The following USP25 variants were observed in gnomAD, a reference collection of about 807,000 sequenced individuals.
The protein encoded by USP25 is ubiquitin carboxyl-terminal hydrolase 25.
Under a neutral mutation model 158.5 loss-of-function variants are expected in USP25, and 85 were observed. The ratio of observed to expected loss-of-function variants is 0.54; its 90% confidence interval spans 0.45 to 0.64. The LOEUF (loss-of-function observed/expected upper bound fraction) is 0.64. Ranked by LOEUF, USP25 falls within the 30% of genes least tolerant of loss-of-function variation. USP25 has a pLI of 0.00. For missense variants in USP25, 1,242 were observed against 1,327.3 expected (o/e 0.94, Z 1.00); for synonymous variants, 464 against 460.4 (o/e 1.01, Z -0.10).
chr21:15,806,281 T>A (rs958002127), intron 7 of USP25, among the ~76,000 whole-genome samples: 1 of 152,122 alleles, frequency 6.6e-6, no homozygotes, highest in African/African-American at 2.4e-5. Flanking sequence ...TGGTTCTAAA[T>A]GTGTTTTACT....
At chr21:15,854,543 C>CT (rs2039045412) in intron 20 of USP25, among the ~76,000 whole-genome samples, 1 of 152,080 alleles carries the variant, frequency 6.6e-6, no homozygotes, top group Admixed American at 6.6e-5. Context: ...TGAAAGAAAG[C>CT]TTTTTAACTC....
rs569193772 is a variant in USP25 at position 15,872,028 on chromosome 21, T to G, written c.2885+1881T>G. Among the ~76,000 whole-genome samples the G allele has an allele frequency of 7.1e-3, 1,051 of 147,632 alleles. 9 individuals are homozygous for G. The highest frequency in any genetic ancestry group is 0.012 in the Non-Finnish European group (807 of 66,866). On this transcript the variant is annotated intron_variant, in intron 23 of 25. Coordinates refer to ENST00000400183, the MANE Select transcript of USP25 (RefSeq NM_001283041.3). Reference sequence around the variant, plus strand: ...AAAGAAATACTGTTTTTTTTTTTTTTTTTTTTTTTTTTACTTTAAATCTTT... The same window carrying G: ...AAAGAAATACTGTTTTTTTTTTTTTGTTTTTTTTTTTTACTTTAAATCTTT...
chr21:15,861,218 A>G (rs2039414988), intron 20 of USP25, among the ~76,000 whole-genome samples: 1 of 152,124 alleles, frequency 6.6e-6, no homozygotes, highest in African/African-American at 2.4e-5. Flanking sequence ...CTTAAGAAAC[A>G]AAGGCATGTG....
At chr21:15,805,081 C>T (rs1050244407) in intron 6 of USP25, 40 bp from the exon 7 acceptor site, 34 of 1,532,654 alleles carry the variant, frequency 2.2e-5, no homozygotes, top group African/African-American at 4.2e-5. Context: ...TCTTAATCTT[C>T]AGTTAAGGTG....
intron 4 of USP25, among the ~76,000 whole-genome samples, chr21:15,778,704 T>G (rs2034794643): frequency 6.6e-6 from 1 of 152,132 alleles, no homozygotes; most frequent in South Asian, 2.1e-4. Flanking sequence ...AAAAAATACA[T>G]TTGGTTTTCA....
At chr21:15,767,852 G>T (rs1052041778) in intron 3 of USP25, among the ~76,000 whole-genome samples, 6 of 152,038 alleles carry the variant, frequency 3.9e-5, no homozygotes, top group Admixed American at 3.9e-4. Context: ...AGGATTATGT[G>T]TGTCCTGCAC....
intron 7 of USP25, chr21:15,805,469 A>G (rs1323292583): frequency 2.7e-6 from 1 of 376,842 alleles, no homozygotes; most frequent in East Asian, 4.3e-5. Context: ...TATGATTGAA[A>G]TGAAAACGAT....
At chr21:15,853,098 C>T (rs1467651926) in intron 20 of USP25, among the ~76,000 whole-genome samples, 1 of 152,138 alleles carries the variant, frequency 6.6e-6, no homozygotes. Context: ...CCATTCTTAG[C>T]ACTGTGTATC....
At chr21:15,835,822 A>G (rs1185771345) in intron 17 of USP25, among the ~76,000 whole-genome samples, 1 of 152,232 alleles carries the variant, frequency 6.6e-6, no homozygotes, top group Non-Finnish European at 1.5e-5. Context: ...TGCCAAGTCC[A>G]TAAATTTACA....
At chr21:15,739,961 T>C (rs2031881842) in intron 1 of USP25, among the ~76,000 whole-genome samples, 1 of 152,248 alleles carries the variant, frequency 6.6e-6, no homozygotes, top group African/African-American at 2.4e-5. Context: ...TTCTCTTTTT[T>C]GCCCCTTGAT....
chr21:15,868,542 A>G (rs1009822446), intron 22 of USP25, among the ~76,000 whole-genome samples: 1 of 152,182 alleles, frequency 6.6e-6, no homozygotes, highest in Non-Finnish European at 1.5e-5. Context: ...GTTAAATCAT[A>G]CAAGTATTTA....
intron 1 of USP25, among the ~76,000 whole-genome samples, chr21:15,738,259 TG>T (rs1212283697): frequency 6.6e-6 from 1 of 152,236 alleles, no homozygotes; most frequent in Non-Finnish European, 1.5e-5. Flanking sequence ...TCTTTGCCTT[TG>T]TTCCTTTTTT....
At chr21:15,824,605 A>G (rs910433892) in intron 11 of USP25, among the ~76,000 whole-genome samples, 23 of 149,374 alleles carry the variant, frequency 1.5e-4, no homozygotes, top group African/African-American at 3.7e-4. Context: ...CTTTCTGTCT[A>G]TCTTTCTGTC....
At chr21:15,873,618 C>T (rs1355837438) in intron 23 of USP25, among the ~76,000 whole-genome samples, 3 of 151,678 alleles carry the variant, frequency 2.0e-5, no homozygotes, top group South Asian at 2.1e-4. Flanking sequence ...CTCAGCCTGC[C>T]GAGTAGCTGG....
chr21:15,863,804 A>G (rs2039534382), intron 20 of USP25, among the ~76,000 whole-genome samples: 1 of 151,816 alleles, frequency 6.6e-6, no homozygotes, highest in Admixed American at 6.6e-5. Flanking sequence ...TGGGAGGCCA[A>G]GGCGGGCGGA....
rs771996450 is a variant in USP25, at chr21:15,826,279, A to G, written c.1380A>G (p.Ser460=). The G allele has an allele frequency of 6.2e-7, 1 of 1,614,098 alleles. No homozygotes were observed. Among genetic ancestry groups the G allele is most frequent in the Non-Finnish European group, 8.5e-7 (1 of 1,179,968 alleles). The part of the protein sequence containing the change: ...DVLQYALEFA[S]SKPVCTSPVD... ...TTCAGTATGCATTGGAATTTGCCTC[A>G]AGTAAACCTGTTTGCACTTCTCCTG... Residue 460 remains serine (S), a synonymous_variant, in exon 13 of 26, where the codon TCA becomes TCG. Transcript: ENST00000400183. The surrounding 1 kb of genome is among the most constrained non-coding windows in gnomAD (Gnocchi z 4.8).
intron 20 of USP25, among the ~76,000 whole-genome samples, chr21:15,860,193 C>A (rs936433156): frequency 2.0e-5 from 3 of 151,970 alleles, no homozygotes; most frequent in Non-Finnish European, 2.9e-5. Flanking sequence ...CACACTGTTT[C>A]CCAGGCTGGA....
At chr21:15,761,549 G>A (rs546376359) in intron 1 of USP25, among the ~76,000 whole-genome samples, 1 of 152,258 alleles carries the variant, frequency 6.6e-6, no homozygotes, top group Admixed American at 6.5e-5. Flanking sequence ...ACTGACATAT[G>A]ACCTTTGTTT....
rs372952502 is a variant in USP25, at chr21:15,871,792, T to A, written c.2885+1645T>A. ...TAAATACTTACCAAATTAGAAGGAT[T>A]AACTAGAAAATCAATAATGGTGACA... On this transcript the variant is annotated intron_variant, in intron 23 of 25. Transcript: ENST00000400183. 6.6e-5 allele frequency among the ~76,000 whole-genome samples: 10 copies of A among 152,178 alleles called. No individual in the cohort carries two copies. In the East Asian group the frequency reaches 1.9e-3, roughly 29 times the overall value.
Sources: allele counts gnomAD v4.1 joint callset (sites outside exome capture counted in the v4.1 genomes callset), GRCh38; gene constraint gnomAD v4.1.1; non-coding constraint Gnocchi (gnomAD v3.1); transcripts MANE v1.5; gene names NCBI Gene and HGNC (gene_info 2026-07-23, HGNC 2026-07-21).